FSTL4: variants seen among roughly 807,000 people sequenced by gnomAD.
FSTL4 encodes the protein follistatin-related protein 4.
FSTL4 carries 28 observed loss-of-function variants against 78.2 expected under a neutral mutation model. That is an observed-to-expected ratio of 0.36 (90% CI 0.27 to 0.49). FSTL4 has a LOEUF of 0.49. Ranked by LOEUF, FSTL4 falls within the 20% of genes least tolerant of loss-of-function variation. FSTL4 has a pLI of 0.98. For synonymous variants in FSTL4, 422 were observed against 440.5 expected (o/e 0.96, Z 0.53); for missense variants, 922 against 1,084.9 (o/e 0.85, Z 2.11).
chr5:133,603,831 GT>G, intron 2 of FSTL4, 26 bp downstream of exon 2: 1 of 1,611,278 alleles, frequency 6.2e-7, no homozygotes, highest in African/African-American at 1.3e-5. Flanking sequence ...AGTTTGAAAT[GT>G]TATGTCCGCA....
intron 6 of FSTL4, among the ~76,000 whole-genome samples, chr5:133,257,803 C>G (rs1446471771): frequency 6.6e-6 from 1 of 151,884 alleles, no homozygotes; most frequent in Non-Finnish European, 1.5e-5. Flanking sequence ...CTTGGCCACT[C>G]TATGGGTCTC....
chr5:133,220,087 C>T (rs970481402), intron 12 of FSTL4, among the ~76,000 whole-genome samples: 3 of 152,364 alleles, frequency 2.0e-5, no homozygotes, highest in East Asian at 3.9e-4. Context: ...GCTCCAAGCC[C>T]GTAACTATTC....
intron 3 of FSTL4, among the ~76,000 whole-genome samples, chr5:133,540,720 CAAAAAAAAAA>C (rs79162509): frequency 2.8e-5 from 2 of 70,266 alleles, no homozygotes; most frequent in Non-Finnish European, 5.3e-5. Flanking sequence ...TTAACATAGG[CAAAAAAAAAA>C]AAAAAAAAAG....
intron 3 of FSTL4, among the ~76,000 whole-genome samples, chr5:133,563,473 CAT>C (rs1195929748): frequency 6.6e-6 from 1 of 152,196 alleles, no homozygotes; most frequent in African/African-American, 2.4e-5. Flanking sequence ...GAAGGAGTCT[CAT>C]GTATGCAGTG....
chr5:133,558,559 T>C (rs1759845221), intron 3 of FSTL4, among the ~76,000 whole-genome samples: 1 of 152,156 alleles, frequency 6.6e-6, no homozygotes, highest in South Asian at 2.1e-4. Context: ...TACCTGCTCA[T>C]TTCTGGGACA....
chr5:133,276,313 G>A (rs1230955955), intron 6 of FSTL4, among the ~76,000 whole-genome samples: 4 of 152,190 alleles, frequency 2.6e-5, no homozygotes, highest in South Asian at 4.1e-4. Context: ...GGGAGGGCAC[G>A]CGTAGGTGGC....
chr5:133,355,033 G>A (rs1450912322), intron 4 of FSTL4, among the ~76,000 whole-genome samples: 1 of 152,232 alleles, frequency 6.6e-6, no homozygotes, highest in Non-Finnish European at 1.5e-5. Flanking sequence ...GGTTGATGCT[G>A]AACTCCTAAG....
the FSTL4 span, among the ~76,000 whole-genome samples, chr5:133,740,458 C>T: frequency 9.2e-5 from 14 of 152,268 alleles, no homozygotes; most frequent in South Asian, 1.0e-3. Flanking sequence ...TGTGCCAACC[C>T]GCCCCCACTC....
Position 133,198,930 on chromosome 5 carries a change from G to A in FSTL4, c.*165C>T, listed in dbSNP as rs1581516703. 4.1e-6 allele frequency: 2 copies of A among 487,804 alleles called. No homozygotes were observed. Among genetic ancestry groups the A allele is most frequent in the African/African-American group, 3.8e-5 (2 of 52,668 alleles). 30.2% of individuals were successfully genotyped at this position (487,804 alleles called of 1,614,324 possible). A position where few individuals can be genotyped will look rare whatever the true frequency, so the allele number is the denominator to read the frequency against. ...TAACGAAAAAACCCCAATCTTGGTAGCAGCGCATACCTTATACTAGGAAAC... is the reference window on the plus strand; with the variant it reads ...TAACGAAAAAACCCCAATCTTGGTAACAGCGCATACCTTATACTAGGAAAC... On this transcript the variant is annotated 3_prime_UTR_variant, in exon 16 of 16. Transcript: ENST00000265342.
chr5:133,639,666 C>T, the FSTL4 span, among the ~76,000 whole-genome samples: 1 of 152,160 alleles, frequency 6.6e-6, no homozygotes, highest in Non-Finnish European at 1.5e-5. Flanking sequence ...CCATGGTGGG[C>T]AGGGAAGGGC....
chr5:133,404,783 C>T (rs1334806316), intron 3 of FSTL4, among the ~76,000 whole-genome samples: 3 of 152,202 alleles, frequency 2.0e-5, no homozygotes, highest in African/African-American at 7.2e-5. Flanking sequence ...AGTGAGTCTA[C>T]ATCCACATGG....
At chr5:133,269,164 G>A (rs1269059150) in intron 6 of FSTL4, among the ~76,000 whole-genome samples, 4 of 133,394 alleles carry the variant, frequency 3.0e-5, no homozygotes, top group East Asian at 2.3e-4. Flanking sequence ...CAGCCTGGGC[G>A]ATGGAGCGAG....
chr5:133,579,972 G>T (rs368120), intron 2 of FSTL4, among the ~76,000 whole-genome samples: 13,191 of 152,208 alleles, frequency 0.087, 753 homozygotes, highest in Non-Finnish European at 0.13. Flanking sequence ...CTGGGAGCAG[G>T]ACTGGGTGCA....
At chr5:133,282,992 G>A (rs59017992) in intron 6 of FSTL4, among the ~76,000 whole-genome samples, 9,202 of 152,296 alleles carry the variant, frequency 0.06, 389 homozygotes, top group East Asian at 0.22. Context: ...TGATTTGGGA[G>A]CAGAGGGGCA....
At chr5:133,349,736 C>T (rs1409302086) in intron 4 of FSTL4, among the ~76,000 whole-genome samples, 1 of 120,640 alleles carries the variant, frequency 8.3e-6, no homozygotes, top group African/African-American at 3.4e-5. Context: ...TGCTGCCATG[C>T]GACTGTAAAG....
chr5:133,773,803 A>G, the FSTL4 span, among the ~76,000 whole-genome samples: 3 of 152,128 alleles, frequency 2.0e-5, no homozygotes, highest in Admixed American at 6.5e-5. Flanking sequence ...AATAATTGGT[A>G]TTGGAACTGG....
At chr5:133,732,257 C>A in the FSTL4 span, among the ~76,000 whole-genome samples, 4 of 152,162 alleles carry the variant, frequency 2.6e-5, no homozygotes, top group Non-Finnish European at 5.9e-5. Flanking sequence ...CAGGTACCAA[C>A]CTGGGCCTGT....
the FSTL4 span, among the ~76,000 whole-genome samples, chr5:133,699,811 G>T: frequency 6.7e-6 from 1 of 150,372 alleles, no homozygotes; most frequent in Non-Finnish European, 1.5e-5. Flanking sequence ...AACCCGGGAG[G>T]TGGAGCTTCC....
At chr5:133,825,087 C>T in the FSTL4 span, among the ~76,000 whole-genome samples, 1 of 152,208 alleles carries the variant, frequency 6.6e-6, no homozygotes, top group Non-Finnish European at 1.5e-5. Flanking sequence ...CTCCTCACTT[C>T]ACAGAGACAC....
Sources: gnomAD v4.1 joint callset for allele counts (sites outside exome capture counted in the v4.1 genomes callset) on GRCh38, gnomAD v4.1.1 for gene constraint, MANE v1.5 for transcripts, NCBI Gene and HGNC (gene_info 2026-07-23, HGNC 2026-07-21) for gene names.